CRTAC1: variants seen among roughly 807,000 people sequenced by gnomAD.
The protein encoded by CRTAC1 is cartilage acidic protein 1, also known as acidic secreted protein in cartilage.
In CRTAC1, 37 loss-of-function variants were observed where a neutral mutation model predicts 67.8. The observed-to-expected ratio is 0.55, with a 90% CI of 0.42 to 0.72. The LOEUF is 0.72. Among genes scored for constraint, CRTAC1 ranks in the 30% least tolerant of loss-of-function variants. The pLI is 0.00. For synonymous variants in CRTAC1, 348 were observed against 371.0 expected, an observed-to-expected ratio of 0.94 and a Z score of 0.71; for missense variants, 780 against 931.6, an observed-to-expected ratio of 0.84 and a Z score of 2.12.
At chr10:97,967,916 A>G (rs1310866419) in intron 2 of CRTAC1, among the ~76,000 whole-genome samples, 2 of 152,220 alleles carry the variant, frequency 1.3e-5, no homozygotes, top group Admixed American at 6.5e-5. Context: ...CAAGGTACAC[A>G]TGGCTTCCCG....
intron 2 of CRTAC1, among the ~76,000 whole-genome samples, chr10:97,938,391 C>T (rs1454161566): frequency 1.3e-5 from 2 of 152,172 alleles, no homozygotes; most frequent in African/African-American, 4.8e-5. Context: ...AGTGCTTGGC[C>T]TTGTTAAAAG....
intron 11 of CRTAC1, among the ~76,000 whole-genome samples, chr10:97,892,456 C>T (rs1434758939): frequency 6.6e-6 from 1 of 152,208 alleles, no homozygotes; most frequent in Non-Finnish European, 1.5e-5. Flanking sequence ...GCTGGCTGCA[C>T]AAAGCAGCTA....
intron 11 of CRTAC1, among the ~76,000 whole-genome samples, chr10:97,890,127 G>C (rs1217020711): frequency 7.1e-6 from 1 of 140,318 alleles, no homozygotes; most frequent in Non-Finnish European, 1.6e-5. Flanking sequence ...ACTCTCACAC[G>C]TGTATGTAAG....
chr10:98,026,418 G>A (rs920192399), intron 1 of CRTAC1, among the ~76,000 whole-genome samples: 24 of 152,052 alleles, frequency 1.6e-4, no homozygotes, highest in African/African-American at 5.6e-4. Flanking sequence ...ACCCACTCCC[G>A]CATTCAAACA....
In CRTAC1 at chr10:97,882,645, G is replaced by A. The variant is rs1378138190; in HGVS notation, c.1675+141C>T. 5.1e-6 allele frequency: 4 copies of A among 790,240 alleles called. No individual in the cohort carries two copies. In the East Asian group the frequency reaches 1.0e-4, roughly 21 times the overall value. The allele number at this position is 790,240 out of a possible 1,614,324, so 49.0% of individuals were successfully genotyped here. A position where few individuals can be genotyped will look rare whatever the true frequency, so the allele number is the denominator to read the frequency against. On this transcript the variant is annotated intron_variant, in intron 13 of 14. Transcript: ENST00000370597. ...CATGTGGTGGTTGTCTTGGCATCTG[G>A]AGTCCCAGGACAAACAACACCCTCC...
At chr10:97,978,320 T>C (rs1034320954) in intron 2 of CRTAC1, among the ~76,000 whole-genome samples, 11 of 152,154 alleles carry the variant, frequency 7.2e-5, no homozygotes, top group Non-Finnish European at 1.2e-4. Flanking sequence ...TTGAGCTCCA[T>C]TTTTTACCAG....
At chr10:97,981,112 G>T (rs759138507) in intron 2 of CRTAC1, among the ~76,000 whole-genome samples, 1 of 152,066 alleles carries the variant, frequency 6.6e-6, no homozygotes, top group Non-Finnish European at 1.5e-5. Flanking sequence ...ACACATAATT[G>T]TTCCCCTTGT....
At chr10:97,980,408 C>CAAA (rs1315215335) in intron 2 of CRTAC1, among the ~76,000 whole-genome samples, 2 of 152,202 alleles carry the variant, frequency 1.3e-5, no homozygotes, top group Non-Finnish European at 2.9e-5. Flanking sequence ...TCTAAGCCTC[C>CAAA]AAAACCTCTA....
chr10:97,885,188 A>G (rs1217275447), intron 11 of CRTAC1, among the ~76,000 whole-genome samples: 1 of 152,184 alleles, frequency 6.6e-6, no homozygotes, highest in Non-Finnish European at 1.5e-5. Flanking sequence ...CGGCATTTGC[A>G]CTGAGCTCTA....
At chr10:97,989,182 T>C (rs567446877) in intron 2 of CRTAC1, among the ~76,000 whole-genome samples, 2 of 152,296 alleles carry the variant, frequency 1.3e-5, no homozygotes, top group African/African-American at 4.8e-5. Flanking sequence ...TCTGAACCTT[T>C]TGCTTGCAGA....
At chr10:98,011,096 A>G in intron 2 of CRTAC1, 42 bp downstream of exon 2, 4 of 1,575,652 alleles carry the variant, frequency 2.5e-6, no homozygotes, top group Non-Finnish European at 3.5e-6. Context: ...TTACAGCAAA[A>G]TCTGATTAAT....
intron 8 of CRTAC1, among the ~76,000 whole-genome samples, chr10:97,897,990 G>C (rs1185511290): frequency 1.3e-5 from 2 of 152,216 alleles, no homozygotes; most frequent in Non-Finnish European, 2.9e-5. Flanking sequence ...GAAAGAGCTG[G>C]CAGATGCCCC....
rs1042659992 is a variant in CRTAC1, at chr10:98,029,571, C to T, written c.24+878G>A. 6.6e-6 allele frequency among the ~76,000 whole-genome samples: 1 copy of T among 151,712 alleles called. No individual in the cohort carries two copies. The highest frequency in any genetic ancestry group is 1.5e-5 in the Non-Finnish European group (1 of 67,846). ...ATTAGTCATTCCTGGAGGAAGCCCC[C>T]CCAGCTCTCAACCCTAGGAGAATTT... On this transcript the variant is annotated intron_variant, in intron 1 of 14. Transcript: ENST00000370597. This position sits in a 1 kb window ranked among gnomAD's most constrained non-coding sequence, Gnocchi z 4.7.
At position 97,904,772 on chromosome 10, in the gene CRTAC1, G is replaced by C. The variant is rs775046251; in HGVS notation, c.893C>G (p.Ala298Gly). The C allele has an allele frequency of 6.2e-7, 1 of 1,605,730 alleles. No individual in the cohort carries two copies. The highest frequency in any genetic ancestry group is 1.7e-5 in the Admixed American group (1 of 58,028). The change falls in exon 7 of 15, where the codon GCT becomes GGT. Residue 298 changes from alanine (A) to glycine (G), a missense_variant. Coordinates refer to ENST00000370597, the MANE Select transcript of CRTAC1 (RefSeq NM_018058.7). ...PHQHGRGVALADFNRDGKVDI... is the reference protein window; with the variant it reads ...PHQHGRGVALGDFNRDGKVDI... The stretch of plus-strand genomic sequence containing the variant: ...CACTTTGCCATCACGGTTGAAGTCA[G>C]CCAGGGCGACACCTCGCCCATGCTG...
chr10:97,964,686 T>A (rs1276825531), intron 2 of CRTAC1, among the ~76,000 whole-genome samples: 1 of 152,234 alleles, frequency 6.6e-6, no homozygotes, highest in African/African-American at 2.4e-5. Context: ...TGTATTCGCC[T>A]GACCTTATTA....
chr10:97,916,981 T>C (rs1293057870), intron 5 of CRTAC1, among the ~76,000 whole-genome samples: 1 of 152,188 alleles, frequency 6.6e-6, no homozygotes, highest in African/African-American at 2.4e-5. Flanking sequence ...GGAGAGGTTT[T>C]GGAACAAGAA....
intron 14 of CRTAC1, 107 bp downstream of exon 14, chr10:97,880,142 G>A: frequency 7.5e-7 from 1 of 1,328,878 alleles, no homozygotes; most frequent in Non-Finnish European, 1.1e-6. Flanking sequence ...ACTCTATCCA[G>A]CCAGGAGAAG....
chr10:98,008,320 G>C (rs1842834817), intron 2 of CRTAC1, among the ~76,000 whole-genome samples: 1 of 151,474 alleles, frequency 6.6e-6, no homozygotes, highest in Admixed American at 6.6e-5. Flanking sequence ...GAAGTATGCT[G>C]TAAGAGGCTC....
chr10:98,015,990 G>A (rs927403686), intron 1 of CRTAC1, among the ~76,000 whole-genome samples: 2 of 152,202 alleles, frequency 1.3e-5, no homozygotes, highest in Admixed American at 6.5e-5. Flanking sequence ...TCAATCCTAG[G>A]TTATGCAATC....
Sources: allele counts gnomAD v4.1 joint callset (sites outside exome capture counted in the v4.1 genomes callset), GRCh38; gene constraint gnomAD v4.1.1; non-coding constraint Gnocchi (gnomAD v3.1); transcripts MANE v1.5; gene names NCBI Gene and HGNC (gene_info 2026-07-23, HGNC 2026-07-21).